CNTN6: variants seen among roughly 807,000 people sequenced by gnomAD.
CNTN6 encodes contactin-6.
In CNTN6, 137 loss-of-function variants were observed where a neutral mutation model predicts 122.8. The ratio of observed to expected loss-of-function variants is 1.12; its 90% CI spans 0.97 to 1.29. The LOEUF (loss-of-function observed/expected upper bound fraction) is 1.29. Ranked by LOEUF, CNTN6 falls within the 50% of genes most tolerant of loss-of-function variation. The pLI, the probability that CNTN6 is intolerant of heterozygous loss-of-function variation, is 0.00. For missense variants in CNTN6, 1,634 were observed against 1,223.4 expected (o/e 1.34, Z -5.01); for synonymous variants, 570 against 426.0 (o/e 1.34, Z -4.16).
At chr3:1,321,537 C>A in intron 7 of CNTN6, 113 bp from the exon 8 acceptor site, 2 of 952,056 alleles carry the variant, frequency 2.1e-6, no homozygotes, top group African/African-American at 1.7e-5. Context: ...AGTCATAATA[C>A]AACAGATTGA....
chr3:1,231,248 C>G (rs17036031), intron 4 of CNTN6, among the ~76,000 whole-genome samples: 1 of 152,130 alleles, frequency 6.6e-6, no homozygotes, highest in African/African-American at 2.4e-5. Flanking sequence ...CAGAAAAAAG[C>G]GGGTGCAGAA....
intron 5 of CNTN6, among the ~76,000 whole-genome samples, chr3:1,285,803 G>C (rs1694229890): frequency 1.3e-5 from 2 of 152,140 alleles, no homozygotes; most frequent in African/African-American, 4.8e-5. Context: ...GTCCAGAAGA[G>C]ACACTTAAAA....
At chr3:1,185,870 T>C (rs150876052) in intron 2 of CNTN6, among the ~76,000 whole-genome samples, 439 of 152,306 alleles carry the variant, frequency 2.9e-3, no homozygotes, top group Admixed American at 4.3e-3. Flanking sequence ...TTAAACACTA[T>C]GTAATTTAAA....
intron 7 of CNTN6, among the ~76,000 whole-genome samples, chr3:1,315,517 G>A (rs974510094): frequency 5.1e-4 from 78 of 151,992 alleles, no homozygotes; most frequent in Non-Finnish European, 7.4e-5. Flanking sequence ...AGCATTGTTA[G>A]CAGCTGCAAG....
chr3:1,262,637 C>T (rs2094864846), intron 4 of CNTN6, among the ~76,000 whole-genome samples: 2 of 152,104 alleles, frequency 1.3e-5, no homozygotes, highest in African/African-American at 4.8e-5. Flanking sequence ...ACTAGAAAAT[C>T]AACCAGTTGG....
At chr3:1,279,301 G>A (rs906093773) in intron 5 of CNTN6, among the ~76,000 whole-genome samples, 9 of 152,248 alleles carry the variant, frequency 5.9e-5, no homozygotes, top group East Asian at 1.9e-4. Context: ...AAATTTAGTC[G>A]TGATTCTCAA....
chr3:1,269,740 G>A (rs2094990688), intron 4 of CNTN6, among the ~76,000 whole-genome samples: 2 of 152,030 alleles, frequency 1.3e-5, no homozygotes, highest in Non-Finnish European at 2.9e-5. Context: ...TAAGTGCTGG[G>A]CTGTTAGGGA....
intron 2 of CNTN6, among the ~76,000 whole-genome samples, chr3:1,179,895 C>G (rs1428914926): frequency 2.0e-5 from 3 of 152,192 alleles, no homozygotes; most frequent in African/African-American, 7.2e-5. Context: ...CTGCAGCCAA[C>G]TGAACCACAT....
intron 4 of CNTN6, among the ~76,000 whole-genome samples, chr3:1,271,445 G>A (rs142797343): frequency 2.0e-5 from 3 of 152,262 alleles, no homozygotes; most frequent in East Asian, 3.9e-4. Flanking sequence ...TAAGGTGTTC[G>A]AGCTGCATAT....
chr3:1,390,362 T>G (rs1256593030), intron 20 of CNTN6, among the ~76,000 whole-genome samples: 1 of 151,538 alleles, frequency 6.6e-6, no homozygotes, highest in African/African-American at 2.4e-5. Flanking sequence ...TTGAAACCAA[T>G]GAGAACAAAG....
chr3:1,344,479 A>G (rs955991033), intron 11 of CNTN6, among the ~76,000 whole-genome samples: 4 of 152,188 alleles, frequency 2.6e-5, no homozygotes, highest in African/African-American at 7.2e-5. Flanking sequence ...AACTGAGAGA[A>G]CCTAAAAGAT....
intron 1 of CNTN6, among the ~76,000 whole-genome samples, chr3:1,128,726 A>G (rs2092249326): frequency 6.6e-6 from 1 of 151,968 alleles, no homozygotes; most frequent in Non-Finnish European, 1.5e-5. Context: ...AGATGCATAT[A>G]TTTATTTACA....
At chr3:1,278,129 C>T (rs1692748739) in intron 4 of CNTN6, among the ~76,000 whole-genome samples, 1 of 152,132 alleles carries the variant, frequency 6.6e-6, no homozygotes, top group Non-Finnish European at 1.5e-5. Context: ...ATGTGTTGGG[C>T]TTCACAGATT....
chr3:1,210,146 G>A (rs1183556662), intron 2 of CNTN6, among the ~76,000 whole-genome samples: 1 of 152,158 alleles, frequency 6.6e-6, no homozygotes, highest in Non-Finnish European at 1.5e-5. Context: ...AACAGGCAGT[G>A]GGATCTCAGT....
At chr3:1,102,458 C>T (rs1050258715) in intron 1 of CNTN6, among the ~76,000 whole-genome samples, 1 of 152,114 alleles carries the variant, frequency 6.6e-6, no homozygotes, top group Non-Finnish European at 1.5e-5. Flanking sequence ...CTGCCGGGCG[C>T]GGTGGCTCCC....
chr3:1,114,658 G>T (rs1430169378), intron 1 of CNTN6, among the ~76,000 whole-genome samples: 1 of 152,050 alleles, frequency 6.6e-6, no homozygotes, highest in South Asian at 2.1e-4. Context: ...AAAGGCAAAA[G>T]ATAATTATTG....
At chr3:1,317,074 G>GA (rs1234845254) in intron 7 of CNTN6, among the ~76,000 whole-genome samples, 1 of 151,858 alleles carries the variant, frequency 6.6e-6, no homozygotes, top group Non-Finnish European at 1.5e-5. Flanking sequence ...TAACTGAGCT[G>GA]AAAAAAATCT....
chr3:1,371,114 C>T (rs1006979267), intron 12 of CNTN6, among the ~76,000 whole-genome samples: 2 of 151,940 alleles, frequency 1.3e-5, no homozygotes, highest in African/African-American at 4.8e-5. Flanking sequence ...TTTAAATGGT[C>T]AAATAATAAC....
At chr3:1,375,703 G>A (rs1709757951) in intron 16 of CNTN6, among the ~76,000 whole-genome samples, 1 of 152,012 alleles carries the variant, frequency 6.6e-6, no homozygotes, top group East Asian at 1.9e-4. Flanking sequence ...AAAGGCATTG[G>A]AAGTCTTAGA....
Sources: allele counts gnomAD v4.1 joint callset (sites outside exome capture counted in the v4.1 genomes callset), GRCh38; gene constraint gnomAD v4.1.1; transcripts MANE v1.5; gene names NCBI Gene and HGNC (gene_info 2026-07-23, HGNC 2026-07-21).